Variants in ST3GAL3 observed in about 807,000 individuals in gnomAD.
ST3GAL3 encodes CMP-N-acetylneuraminate-beta-1,4-galactoside alpha-2,3-sialyltransferase.
Under a neutral mutation model 50.1 loss-of-function variants are expected in ST3GAL3, and 21 were observed. That is an observed-to-expected ratio of 0.42 (90% CI 0.30 to 0.60). ST3GAL3 has a LOEUF of 0.60. ST3GAL3 is among the 20% of genes least tolerant of loss of function. The pLI is 0.19. For missense variants in ST3GAL3, 353 were observed against 489.4 expected, an observed-to-expected ratio of 0.72 and a Z score of 2.63; for synonymous variants, 183 against 190.0, an observed-to-expected ratio of 0.96 and a Z score of 0.30.
At chr1:43,728,878 CAT>C (rs1222352804) in intron 1 of ST3GAL3, among the ~76,000 whole-genome samples, 1 of 151,932 alleles carries the variant, frequency 6.6e-6, no homozygotes, top group Non-Finnish European at 1.5e-5. Flanking sequence ...CACACACACA[CAT>C]ATATATTTCT....
intron 1 of ST3GAL3, among the ~76,000 whole-genome samples, chr1:43,711,191 G>C (rs1354959345): frequency 6.6e-6 from 1 of 152,220 alleles, no homozygotes; most frequent in African/African-American, 2.4e-5. Flanking sequence ...AACAAAACTT[G>C]ACTTCTCATT....
chr1:43,884,053 C>T (rs976562706), intron 5 of ST3GAL3, among the ~76,000 whole-genome samples: 7 of 152,190 alleles, frequency 4.6e-5, no homozygotes, highest in Non-Finnish European at 8.8e-5. Context: ...CTGTCTCTAT[C>T]ACTAGCTTCT....
intron 9 of ST3GAL3, among the ~76,000 whole-genome samples, chr1:43,907,988 C>G (rs888928691): frequency 6.6e-6 from 1 of 152,186 alleles, no homozygotes; most frequent in African/African-American, 2.4e-5. Flanking sequence ...GATTCTAAAT[C>G]CAGCAGACTC....
chr1:43,918,828 T>C (rs1472753272), intron 9 of ST3GAL3, among the ~76,000 whole-genome samples: 1 of 152,058 alleles, frequency 6.6e-6, no homozygotes, highest in Non-Finnish European at 1.5e-5. Context: ...GAATATGATT[T>C]TGTCTTTCCT....
At chr1:43,870,533 A>G (rs927986568) in intron 5 of ST3GAL3, among the ~76,000 whole-genome samples, 1 of 151,796 alleles carries the variant, frequency 6.6e-6, no homozygotes, top group African/African-American at 2.4e-5. Flanking sequence ...GTGTCAGGAC[A>G]CATGTTGTAC....
At chr1:43,729,774 G>GT (rs1447972880) in intron 1 of ST3GAL3, among the ~76,000 whole-genome samples, 1 of 152,202 alleles carries the variant, frequency 6.6e-6, no homozygotes, top group Admixed American at 6.5e-5. Context: ...ATCTTACTCT[G>GT]TTACGTTACA....
intron 9 of ST3GAL3, among the ~76,000 whole-genome samples, chr1:43,908,985 A>G (rs1571243190): frequency 6.6e-6 from 1 of 152,068 alleles, no homozygotes; most frequent in Non-Finnish European, 1.5e-5. Context: ...ATATGGACCT[A>G]TGGATCCTAT....
chr1:43,738,765 T>G (rs1679582286), intron 2 of ST3GAL3: 1 of 152,128 alleles, frequency 6.6e-6, no homozygotes, highest in Admixed American at 6.6e-5. Context: ...CCCAAAGTGG[T>G]GGGATTCCAG....
chr1:43,745,035 A>G (rs1342723560), intron 2 of ST3GAL3, among the ~76,000 whole-genome samples: 1 of 152,112 alleles, frequency 6.6e-6, no homozygotes, highest in Non-Finnish European at 1.5e-5. Flanking sequence ...AAATAGGCTC[A>G]TGCCTGTAAT....
At chr1:43,767,788 C>T (rs80299820) in intron 2 of ST3GAL3, among the ~76,000 whole-genome samples, 4,327 of 148,510 alleles carry the variant, frequency 0.029, 208 homozygotes, top group African/African-American at 0.1. Context: ...CAAACCTGCA[C>T]GTTCTGCACA....
chr1:43,720,234 G>GA (rs1289905040), intron 1 of ST3GAL3, among the ~76,000 whole-genome samples: 1 of 151,952 alleles, frequency 6.6e-6, no homozygotes, highest in Non-Finnish European at 1.5e-5. Context: ...GTCTCTTAAA[G>GA]AAAAAAAGAA....
intron 1 of ST3GAL3, among the ~76,000 whole-genome samples, chr1:43,731,242 G>A (rs1315292412): frequency 1.3e-5 from 2 of 151,866 alleles, no homozygotes; most frequent in African/African-American, 2.4e-5. Flanking sequence ...ATAGAGTCTC[G>A]CTCTGTCGCC....
chr1:43,898,112 C>T, intron 6 of ST3GAL3, 123 bp from the exon 7 acceptor site: 1 of 1,010,678 alleles, frequency 9.9e-7, no homozygotes, highest in Non-Finnish European at 1.5e-6. Context: ...GTGTCCAGAG[C>T]TCTCTCCACT....
At chr1:43,710,705 T>C (rs1431769045) in intron 1 of ST3GAL3, among the ~76,000 whole-genome samples, 1 of 152,272 alleles carries the variant, frequency 6.6e-6, no homozygotes, top group Admixed American at 6.5e-5. Flanking sequence ...TGTTGGCTTT[T>C]TCTATCTTAA....
intron 5 of ST3GAL3, among the ~76,000 whole-genome samples, chr1:43,890,491 G>C (rs1558748314): frequency 6.6e-6 from 1 of 152,214 alleles, no homozygotes; most frequent in Non-Finnish European, 1.5e-5. Flanking sequence ...TGTTAGAGGA[G>C]AGCTGGCTGA....
At chr1:43,829,375 A>G (rs37453) in intron 4 of ST3GAL3, among the ~76,000 whole-genome samples, 38,133 of 152,048 alleles carry the variant, frequency 0.25, 5,886 homozygotes, top group Middle Eastern at 0.35. Flanking sequence ...ACATTCCTCC[A>G]CTCTCTATTA....
In ST3GAL3 at chr1:43,812,119, C is replaced by G. The variant is rs534260399; in HGVS notation, c.167-2772C>G. Among the ~76,000 whole-genome samples, 50 of 152,338 alleles carry G rather than the reference C, an allele frequency of 3.3e-4. 1 individual carries two copies. Among genetic ancestry groups the G allele is most frequent in the Middle Eastern group, 6.8e-3 (2 of 294 alleles). On this transcript the variant is annotated intron_variant, in intron 3 of 11. Transcript: ENST00000347631. ...TAACAGTCAACAAATATTTATTGAG[C>G]ATCTACTGTGAGCAGCCACAGCCCT...
At chr1:43,749,413 A>T (rs923982284) in intron 2 of ST3GAL3, among the ~76,000 whole-genome samples, 4 of 152,240 alleles carry the variant, frequency 2.6e-5, no homozygotes, top group African/African-American at 9.6e-5. Flanking sequence ...TGGGCAAAGG[A>T]CTTGGATCCA....
chr1:43,785,772 A>G (rs542821368), intron 2 of ST3GAL3, among the ~76,000 whole-genome samples: 1 of 152,112 alleles, frequency 6.6e-6, no homozygotes, highest in Admixed American at 6.5e-5. Context: ...TTAAATTCCC[A>G]AAAGAGAGAC....
Sources: allele counts gnomAD v4.1 joint callset (sites outside exome capture counted in the v4.1 genomes callset), GRCh38; gene constraint gnomAD v4.1.1; transcripts MANE v1.5; gene names NCBI Gene and HGNC (gene_info 2026-07-23, HGNC 2026-07-21).